The following NFKB2 variants were observed in gnomAD, a reference collection of about 807,000 sequenced individuals.
NFKB2 encodes the protein nuclear factor NF-kappa-B p100 subunit.
In NFKB2, 21 loss-of-function variants were observed where a neutral mutation model predicts 109.3. The observed-to-expected ratio is 0.19, with a 90% CI of 0.14 to 0.28. NFKB2 has a LOEUF of 0.28. Among genes scored for constraint, NFKB2 ranks in the 10% least tolerant of loss-of-function variants. The pLI is 1.00. For missense variants in NFKB2, 806 were observed against 1,185.3 expected (o/e 0.68, Z 4.70); for synonymous variants, 478 against 489.9 (o/e 0.98, Z 0.32).
chr10:102,395,950 G>A lies in NFKB2; in HGVS notation c.-10G>A. 1 of 1,612,732 alleles carries A rather than the reference G, an allele frequency of 6.2e-7. No homozygotes were observed. Among genetic ancestry groups the A allele is most frequent in the South Asian group, 1.1e-5 (1 of 91,078 alleles). On this transcript the variant is annotated 5_prime_UTR_variant, in exon 2 of 23. Coordinates refer to ENST00000661543, the MANE Select transcript of NFKB2 (RefSeq NM_001322934.2). The stretch of plus-strand genomic sequence containing the variant: ...GAGCCACTAGACAGAGCCGGGCCTA[G>A]CCCAGAGACATGGAGAGTTGCTACA...
rs778537629 is a variant in NFKB2, at chr10:102,396,209, G to A, written c.22-44G>A. The stretch of plus-strand genomic sequence containing the variant: ...GGAGATGGGAGGTGGGGCTGTGGGG[G>A]GTGCTGAGAGTCGGATGCCACCCCC... On this transcript the variant is annotated intron_variant, in intron 2 of 22. Transcript: ENST00000661543. This position sits in a 1 kb window ranked among gnomAD's most constrained non-coding sequence, Gnocchi z 5.9. 2.5e-6 allele frequency: 4 copies of A among 1,575,708 alleles called. No homozygotes were observed. Among genetic ancestry groups the A allele is most frequent in the South Asian group, 1.1e-5 (1 of 88,536 alleles).
At chr10:102,399,134 A>G in intron 12 of NFKB2, 154 bp from the exon 13 acceptor site, 1 of 826,812 alleles carries the variant, frequency 1.2e-6, no homozygotes, top group South Asian at 1.8e-5. Flanking sequence ...AATCGCTTGA[A>G]CCCTGGGAGA....
rs2061142944 is a variant in NFKB2, at chr10:102,397,739, G to T, written c.661+54G>T. 6.3e-7 allele frequency: 1 copy of T among 1,575,698 alleles called. No homozygotes were observed. The highest frequency in any genetic ancestry group is 2.3e-5 in the East Asian group (1 of 44,324). On this transcript the variant is annotated intron_variant, in intron 8 of 22. Transcript: ENST00000661543. This position sits in a 1 kb window ranked among gnomAD's most constrained non-coding sequence, Gnocchi z 4.7. Reference sequence around the variant, plus strand: ...GGCCTGGTGGCAGAGGTGGCATGAGGGGTGACCTCAAGCTGTGCAGTCAAA... The same window carrying T: ...GGCCTGGTGGCAGAGGTGGCATGAGTGGTGACCTCAAGCTGTGCAGTCAAA...
upstream of NFKB2, chr10:102,395,571 A>T: frequency 5.8e-6 from 2 of 347,710 alleles, no homozygotes; most frequent in Non-Finnish European, 5.4e-6. Flanking sequence ...GCTGAAAAGC[A>T]GCGGGAGCCC....
chr10:102,399,195 A>G (rs1330028393), intron 12 of NFKB2, 93 bp from the exon 13 acceptor site: 10 of 1,251,680 alleles, frequency 8.0e-6, no homozygotes, highest in Middle Eastern at 2.4e-4. Flanking sequence ...AGGCTGGGCA[A>G]TAAGAGCGAA....
In NFKB2 at chr10:102,397,593, T is replaced by G; in HGVS notation, c.569T>G (p.Val190Gly). 6.2e-7 allele frequency: 1 copy of G among 1,614,094 alleles called. No homozygotes were observed. Among genetic ancestry groups the G allele is most frequent in the Non-Finnish European group, 8.5e-7 (1 of 1,179,956 alleles). Residue 190 changes from valine (V) to glycine (G), a missense_variant, in exon 8 of 23, where the codon GTG (valine) becomes GGG (glycine). Val to Gly is a moderately radical substitution (Grantham distance 109). Transcript: ENST00000661543. This position sits in a 1 kb window ranked among gnomAD's most constrained non-coding sequence, Gnocchi z 4.7. ...ELKKVMDLSI[V>G]RLRFSAFLRA... Reference sequence around the variant, plus strand: ...AAGAAGGTGATGGATCTGAGTATAGTGCGGCTGCGCTTCTCTGCCTTCCTT... The same window carrying G: ...AAGAAGGTGATGGATCTGAGTATAGGGCGGCTGCGCTTCTCTGCCTTCCTT...
In NFKB2 at chr10:102,397,915, C is replaced by A. The variant is rs1320155838; in HGVS notation, c.662-66C>A. On this transcript the variant is annotated intron_variant, in intron 8 of 22. Transcript: ENST00000661543. This position sits in a 1 kb window ranked among gnomAD's most constrained non-coding sequence, Gnocchi z 4.7. ...GTTGCTGAGATAAGGAATACAAAGC[C>A]CCCAGCTTCTTAAATGTGGCCTTGG... The A allele has an allele frequency of 1.2e-5, 18 of 1,524,978 alleles. No homozygotes were observed. The East Asian group carries it at 2.9e-4, about 25-fold the overall frequency. 94.5% of individuals were successfully genotyped at this position (1,524,978 alleles called of 1,614,324 possible).
chr10:102,397,637 T>C lies in NFKB2; in HGVS notation c.613T>C (p.Phe205Leu), dbSNP rs2135431157. ...SAFLRASDGS[F>L]SLPLKPVISQ... Reference sequence around the variant, plus strand: ...CTTCCTTAGAGCCAGTGATGGCTCCTTCTCCCTGCCCCTGAAGCCAGTCAT... The same window carrying C: ...CTTCCTTAGAGCCAGTGATGGCTCCCTCTCCCTGCCCCTGAAGCCAGTCAT... Residue 205 changes from phenylalanine to leucine, a missense_variant, in exon 8 of 23, where the codon TTC (phenylalanine) becomes CTC (leucine). Physicochemically the swap from Phe to Leu is conservative, Grantham distance 22 (BLOSUM62 0). This residue lies in a region of NFKB2 where 64 missense variants were observed against 177.4 expected (regional missense o/e 0.36). Coordinates refer to ENST00000661543, the MANE Select transcript of NFKB2 (RefSeq NM_001322934.2). The surrounding 1 kb of genome is among the most constrained non-coding windows in gnomAD (Gnocchi z 4.7). 1.2e-6 allele frequency: 2 copies of C among 1,613,728 alleles called. No individual in the cohort carries two copies. Among genetic ancestry groups the C allele is most frequent in the Admixed American group, 3.3e-5 (2 of 60,012 alleles).
At chr10:102,399,136 C>T in intron 12 of NFKB2, 152 bp from the exon 13 acceptor site, 2 of 841,618 alleles carry the variant, frequency 2.4e-6, no homozygotes, top group Non-Finnish European at 3.6e-6. Context: ...TCGCTTGAAC[C>T]CTGGGAGACA....
At chr10:102,394,339 C>G (rs1467064544), upstream of NFKB2, 2 of 152,282 alleles carry the variant, frequency 1.3e-5, no homozygotes, top group Non-Finnish European at 2.9e-5. Flanking sequence ...CCTGTCACCC[C>G]GCTCCCCGCC....
At position 102,398,226 on chromosome 10, in the gene NFKB2, C is replaced by A; in HGVS notation, c.781C>A (p.Arg261=). 6.2e-7 allele frequency: 1 copy of A among 1,614,046 alleles called. No homozygotes were observed. Among genetic ancestry groups the A allele is most frequent in the South Asian group, 1.1e-5 (1 of 91,056 alleles). The change falls in exon 10 of 23, where the codon CGG becomes AGG. Residue 261 remains arginine, a synonymous_variant. Coordinates refer to ENST00000661543, the MANE Select transcript of NFKB2 (RefSeq NM_001322934.2). The surrounding 1 kb of genome is among the most constrained non-coding windows in gnomAD (Gnocchi z 6.6). The part of the protein sequence containing the change: ...DKVQKDDIEV[R]FYEDDENGWQ... ...TTTCCTTGTAGATGACATTGAGGTTCGGTTCTATGAGGATGATGAGAATGG... is the reference window on the plus strand; with the variant it reads ...TTTCCTTGTAGATGACATTGAGGTTAGGTTCTATGAGGATGATGAGAATGG...
In NFKB2 at chr10:102,397,691, T is replaced by A; in HGVS notation, c.661+6T>A. ...CCAGCCCATCCATGACAGCAGTGAG[T>A]ATCCTGATTGCCTGGGGTGCCAGGC... On this transcript the variant is annotated splice_donor_region_variant and intron_variant, in intron 8 of 22. Coordinates refer to ENST00000661543, the MANE Select transcript of NFKB2 (RefSeq NM_001322934.2). This position sits in a 1 kb window ranked among gnomAD's most constrained non-coding sequence, Gnocchi z 4.7. The A allele has an allele frequency of 1.3e-6, 2 of 1,599,212 alleles. No homozygotes were observed. Among genetic ancestry groups the A allele is most frequent in the Non-Finnish European group, 1.7e-6 (2 of 1,168,106 alleles).
chr10:102,399,892 A>G, intron 14 of NFKB2, 174 bp downstream of exon 14: 1 of 1,116,270 alleles, frequency 9.0e-7, no homozygotes. Flanking sequence ...CGACCGTGCA[A>G]GGGGTACAGT....
At chr10:102,399,544 C>T (rs2061185716) in intron 13 of NFKB2, 33 bp from the exon 14 acceptor site, 1 of 1,540,944 alleles carries the variant, frequency 6.5e-7, no homozygotes, top group Non-Finnish European at 8.7e-7. Flanking sequence ...GGCTGAGGAC[C>T]TAGCCCTGAC....
In NFKB2 at chr10:102,400,341, G is replaced by A; in HGVS notation, c.1648G>A (p.Gly550Ser). ...TSVVSFLLRV[G>S]ADPALLDRHG... is the part of the protein sequence containing the mutation. ...TGTGGTGAGCTTTCTGCTGCGGGTAGGTGCAGACCCAGCTCTGCTGGATCG... is the reference window on the plus strand; with the variant it reads ...TGTGGTGAGCTTTCTGCTGCGGGTAAGTGCAGACCCAGCTCTGCTGGATCG... The change falls in exon 16 of 23, where the codon GGT becomes AGT. Residue 550 changes from glycine (G) to serine (S), a missense_variant. Gly to Ser is a moderately conservative substitution (Grantham distance 56, BLOSUM62 0). Coordinates refer to ENST00000661543, the MANE Select transcript of NFKB2 (RefSeq NM_001322934.2). This position sits in a 1 kb window ranked among gnomAD's most constrained non-coding sequence, Gnocchi z 6.3. 1 of 1,614,016 alleles carries A rather than the reference G, an allele frequency of 6.2e-7. No homozygotes were observed. The highest frequency in any genetic ancestry group is 8.5e-7 in the Non-Finnish European group (1 of 1,180,028).
In NFKB2 at chr10:102,399,399, C is replaced by T. The variant is rs1175800328; in HGVS notation, c.1229C>T (p.Thr410Met). 2.6e-6 allele frequency: 4 copies of T among 1,539,054 alleles called. No individual in the cohort carries two copies. The highest frequency in any genetic ancestry group is 2.6e-6 in the Non-Finnish European group (3 of 1,141,430). ...GGGGGAQMAA[T>M]VPSRDSGEEA... ...GGGGGCGGGGCGCAGATGGCCGCCA[C>T]GGTGCCCAGCAGGGACTCCGGGGAG... The change falls in exon 13 of 23, where the codon ACG becomes ATG. Residue 410 changes from threonine to methionine, a missense_variant. By Grantham distance (81) the Thr-to-Met change is moderately conservative. This residue lies in a region of NFKB2 where 209 missense variants were observed against 211.9 expected (regional missense o/e 0.99). Coordinates refer to ENST00000661543, the MANE Select transcript of NFKB2 (RefSeq NM_001322934.2).
chr10:102,401,545 C>G lies in NFKB2; in HGVS notation c.2293+27C>G. 1.9e-6 allele frequency: 3 copies of G among 1,609,588 alleles called. No individual in the cohort carries two copies. The highest frequency in any genetic ancestry group is 8.5e-7 in the Non-Finnish European group (1 of 1,178,818). ...TGAGAAGCATCAGGCATCCCCAGCC[C>G]GACTCCTCTGACTCCTCACAGAGGT... On this transcript the variant is annotated intron_variant, in intron 20 of 22. Transcript: ENST00000661543. This position sits in a 1 kb window ranked among gnomAD's most constrained non-coding sequence, Gnocchi z 4.2.
Position 102,400,578 on chromosome 10 carries a change from C to G in NFKB2, c.1799-77C>G. ...GTGCCCAGAATGGACTATGAGGTGT[C>G]GAGATTGAATGGTCAGGGCTGGTCC... On this transcript the variant is annotated intron_variant, in intron 16 of 22. Transcript: ENST00000661543. This position sits in a 1 kb window ranked among gnomAD's most constrained non-coding sequence, Gnocchi z 6.3. 6.3e-7 allele frequency: 1 copy of G among 1,597,820 alleles called. No homozygotes were observed. Among genetic ancestry groups the G allele is most frequent in the South Asian group, 1.1e-5 (1 of 89,332 alleles).
rs555513845 is a variant in NFKB2, at chr10:102,399,412, G to A, written c.1242G>A (p.Arg414=). 1.4e-5 allele frequency: 22 copies of A among 1,531,384 alleles called. No homozygotes were observed. The Middle Eastern group carries it at 9.5e-4, about 66-fold the overall frequency. 94.9% of individuals were successfully genotyped at this position (1,531,384 alleles called of 1,614,324 possible). A position where few individuals can be genotyped will look rare whatever the true frequency, so the allele number is the denominator to read the frequency against. ...AGATGGCCGCCACGGTGCCCAGCAGGGACTCCGGGGAGGAAGCCGCGGAGC... is the reference window on the plus strand; with the variant it reads ...AGATGGCCGCCACGGTGCCCAGCAGAGACTCCGGGGAGGAAGCCGCGGAGC... The part of the protein sequence containing the change: ...GAQMAATVPS[R]DSGEEAAEPS... Residue 414 remains arginine (R), a synonymous_variant, in exon 13 of 23, where the codon AGG becomes AGA. Coordinates refer to ENST00000661543, the MANE Select transcript of NFKB2 (RefSeq NM_001322934.2).
Sources: gnomAD v4.1 joint callset for allele counts on GRCh38, gnomAD v4.1.1 for gene constraint, gnomAD v4.1.1 regional missense constraint, Gnocchi (gnomAD v3.1) non-coding constraint, MANE v1.5 for transcripts, NCBI Gene and HGNC (gene_info 2026-07-23, HGNC 2026-07-21) for gene names.